ADAM19: variants seen among roughly 807,000 people sequenced by gnomAD.
ADAM19 encodes ADAM metallopeptidase domain 19.
A neutral mutation model predicts 114.7 loss-of-function variants in ADAM19; 65 were observed. The observed-to-expected ratio is 0.57, with a 90% CI of 0.46 to 0.70. The LOEUF (loss-of-function observed/expected upper bound fraction) is 0.70, where lower values mean the gene tolerates loss of function less well. Ranked by LOEUF, ADAM19 falls within the 30% of genes least tolerant of loss-of-function variation. The pLI, the probability that ADAM19 is intolerant of heterozygous loss-of-function variation, is 0.00. For missense variants in ADAM19, 1,063 were observed against 1,204.7 expected, an observed-to-expected ratio of 0.88 and a Z score of 1.74; for synonymous variants, 466 against 460.5, an observed-to-expected ratio of 1.01 and a Z score of -0.15.
At chr5:157,537,077 T>C (rs984971479) in intron 4 of ADAM19, among the ~76,000 whole-genome samples, 1 of 152,218 alleles carries the variant, frequency 6.6e-6, no homozygotes, top group Non-Finnish European at 1.5e-5. Flanking sequence ...GTCTGTCCTA[T>C]GCATTATAGA....
intron 3 of ADAM19, among the ~76,000 whole-genome samples, chr5:157,542,378 A>C (rs925713260): frequency 2.0e-5 from 3 of 152,192 alleles, no homozygotes; most frequent in African/African-American, 7.2e-5. Context: ...ACCTTCCAAA[A>C]GTCTAAAGAT....
intron 7 of ADAM19, among the ~76,000 whole-genome samples, chr5:157,515,457 A>G (rs1425975795): frequency 6.6e-6 from 1 of 152,174 alleles, no homozygotes; most frequent in Non-Finnish European, 1.5e-5. Flanking sequence ...CAAAGGCCGG[A>G]TTAGGCTTTG....
At chr5:157,550,187 A>T (rs1442333570) in intron 3 of ADAM19, among the ~76,000 whole-genome samples, 1 of 152,204 alleles carries the variant, frequency 6.6e-6, no homozygotes, top group Non-Finnish European at 1.5e-5. Flanking sequence ...TATGTCACAC[A>T]GTTCTTGAGG....
chr5:157,499,712 C>A (rs1398563994), intron 12 of ADAM19, 50 bp from the exon 13 acceptor site: 3 of 1,297,862 alleles, frequency 2.3e-6, no homozygotes, highest in Non-Finnish European at 2.2e-6. Flanking sequence ...TTCACCACCC[C>A]CAACATTTTC....
chr5:157,499,975 C>T (rs4704743), intron 12 of ADAM19, among the ~76,000 whole-genome samples: 38,298 of 151,122 alleles, frequency 0.25, 6,013 homozygotes, highest in East Asian at 0.79. Flanking sequence ...GATTGGGTTT[C>T]GTCATGTTGG....
At chr5:157,546,643 G>C (rs1219795899) in intron 3 of ADAM19, among the ~76,000 whole-genome samples, 2 of 152,202 alleles carry the variant, frequency 1.3e-5, no homozygotes, top group African/African-American at 4.8e-5. Flanking sequence ...GGGGGGCCTT[G>C]GAAAAAGAAA....
chr5:157,530,995 T>G, intron 4 of ADAM19, 112 bp from the exon 5 acceptor site: 1 of 799,820 alleles, frequency 1.3e-6, no homozygotes, highest in South Asian at 1.5e-5. Context: ...CTACCCAACC[T>G]TATAGCACCT....
Position 157,499,644 on chromosome 5 carries a change from A to G in ADAM19, c.1327T>C (p.Cys443Arg), listed in dbSNP as rs1755489523. ...GEEEECNNPC[C>R]NASNCTLRPG... is the part of the protein sequence containing the mutation. ...CTCAGGGTACAATTAGAGGCATTGC[A>G]GCAGGGGTTGTTACATTCCTGGGGA... Residue 443 changes from cysteine to arginine, a missense_variant, in exon 13 of 23, where the codon TGC becomes CGC. This residue lies in a region of ADAM19 where 615 missense variants were observed against 706.3 expected (regional missense o/e 0.87). Transcript: ENST00000257527. The G allele has an allele frequency of 6.2e-7, 1 of 1,612,134 alleles. No homozygotes were observed. The highest frequency in any genetic ancestry group is 8.5e-7 in the Non-Finnish European group (1 of 1,179,226).
intron 13 of ADAM19, among the ~76,000 whole-genome samples, chr5:157,499,048 G>A (rs955308532): frequency 6.6e-6 from 1 of 152,090 alleles, no homozygotes; most frequent in Non-Finnish European, 1.5e-5. Flanking sequence ...GTGGGCACCA[G>A]AGTCAGGGAA....
intron 7 of ADAM19, 101 bp from the exon 8 acceptor site, chr5:157,513,606 T>C (rs1581317433): frequency 1.8e-6 from 2 of 1,085,300 alleles, no homozygotes; most frequent in East Asian, 4.8e-5. Context: ...TTTTCTTCTG[T>C]CTTCTATGAG....
chr5:157,543,795 T>C (rs1329389826), intron 3 of ADAM19, among the ~76,000 whole-genome samples: 3 of 151,958 alleles, frequency 2.0e-5, no homozygotes, highest in African/African-American at 7.3e-5. Context: ...CAAGCAGAAA[T>C]GGCAATGCCC....
chr5:157,503,356 G>T (rs1755629290), intron 11 of ADAM19, among the ~76,000 whole-genome samples: 3 of 152,292 alleles, frequency 2.0e-5, no homozygotes, highest in Middle Eastern at 3.4e-3. Flanking sequence ...GTAGCAAGAG[G>T]CGGGGAGGGA....
intron 7 of ADAM19, among the ~76,000 whole-genome samples, chr5:157,517,470 G>A (rs1224893462): frequency 6.6e-6 from 1 of 152,186 alleles, no homozygotes; most frequent in South Asian, 2.1e-4. Flanking sequence ...GGTAACAGCT[G>A]GCTAATTTAG....
At chr5:157,482,671 A>G (rs775281466) in intron 21 of ADAM19, among the ~76,000 whole-genome samples, 1 of 152,220 alleles carries the variant, frequency 6.6e-6, no homozygotes, top group Non-Finnish European at 1.5e-5. Context: ...ATCTAGAACT[A>G]GAAATACCAT....
At chr5:157,531,654 G>A (rs1258968171) in intron 4 of ADAM19, among the ~76,000 whole-genome samples, 2 of 150,922 alleles carry the variant, frequency 1.3e-5, no homozygotes, top group Non-Finnish European at 2.9e-5. Context: ...GCGACAGAGT[G>A]AGATTCTGTC....
At chr5:157,525,195 T>C (rs1002628377) in intron 5 of ADAM19, among the ~76,000 whole-genome samples, 2 of 152,224 alleles carry the variant, frequency 1.3e-5, no homozygotes, top group Admixed American at 6.5e-5. Context: ...CACTGTCCTC[T>C]GAGGGCTTAA....
At chr5:157,531,012 C>T (rs1279252922) in intron 4 of ADAM19, 129 bp from the exon 5 acceptor site, 11 of 691,660 alleles carry the variant, frequency 1.6e-5, no homozygotes, top group Non-Finnish European at 2.8e-5. Flanking sequence ...ACCTTACAAC[C>T]TGCAAAGAGC....
chr5:157,482,875 C>T (rs957529753), intron 21 of ADAM19, among the ~76,000 whole-genome samples: 9 of 152,128 alleles, frequency 5.9e-5, no homozygotes, highest in Non-Finnish European at 8.8e-5. Flanking sequence ...ACTATGCAGC[C>T]ATAAAAAAGG....
chr5:157,550,236 G>A (rs923062782), intron 3 of ADAM19, among the ~76,000 whole-genome samples: 1 of 95,244 alleles, frequency 1.0e-5, no homozygotes, highest in Non-Finnish European at 2.1e-5. Context: ...TCTCTCTGCA[G>A]GTGCAAGGAA....
Sources: allele counts gnomAD v4.1 joint callset (sites outside exome capture counted in the v4.1 genomes callset), GRCh38; gene constraint gnomAD v4.1.1; regional missense constraint gnomAD v4.1.1; transcripts MANE v1.5; gene names NCBI Gene and HGNC (gene_info 2026-07-23, HGNC 2026-07-21).